The following FEZ1 variants were observed in gnomAD, a reference collection of about 807,000 sequenced individuals.
FEZ1 encodes fasciculation and elongation protein zeta-1.
A neutral mutation model predicts 49.3 loss-of-function variants in FEZ1; 20 were observed. The observed-to-expected ratio is 0.41, with a 90% confidence interval of 0.29 to 0.59. The LOEUF is 0.59. Ranked by LOEUF, FEZ1 falls within the 20% of genes least tolerant of loss-of-function variation. The pLI is 0.36. For missense variants in FEZ1, 413 were observed against 476.0 expected (o/e 0.87, Z 1.23); for synonymous variants, 170 against 180.9 (o/e 0.94, Z 0.48).
At position 125,496,134 on chromosome 11, in the gene FEZ1, G is replaced by T. The variant is rs1488889421; in HGVS notation, c.-59C>A. ...CCGCGACGGCACCTGTGCGGGTCCT[G>T]GCGGAGGGAGGCGGATCCCGGGGCT... On this transcript the variant is annotated 5_prime_UTR_variant, in exon 1 of 10. Coordinates refer to ENST00000278919, the MANE Select transcript of FEZ1 (RefSeq NM_005103.5). 6.5e-6 allele frequency: 1 copy of T among 152,766 alleles called. No homozygotes were observed. Among genetic ancestry groups the T allele is most frequent in the African/African-American group, 2.4e-5 (1 of 41,466 alleles). 9.5% of individuals were successfully genotyped at this position (152,766 alleles called of 1,614,324 possible).
intron 9 of FEZ1, 67 bp from the exon 10 acceptor site, chr11:125,446,178 G>A: frequency 1.3e-6 from 2 of 1,503,884 alleles, no homozygotes; most frequent in Non-Finnish European, 1.9e-6. Context: ...TCCGAGCCCT[G>A]GATAGCCCTA....
At chr11:125,450,493 T>C (rs1411675347) in intron 8 of FEZ1, among the ~76,000 whole-genome samples, 2 of 152,214 alleles carry the variant, frequency 1.3e-5, no homozygotes, top group Non-Finnish European at 2.9e-5. Context: ...CTCCAAAATC[T>C]AAAATTTACA....
At chr11:125,456,611 C>T (rs1022110484) in intron 5 of FEZ1, among the ~76,000 whole-genome samples, 2 of 152,200 alleles carry the variant, frequency 1.3e-5, no homozygotes, top group Non-Finnish European at 1.5e-5. Flanking sequence ...GGTCCTGTGT[C>T]GCAGTGCATG....
chr11:125,492,581 G>A (rs1020092424), intron 1 of FEZ1, among the ~76,000 whole-genome samples: 1 of 152,178 alleles, frequency 6.6e-6, no homozygotes, highest in Non-Finnish European at 1.5e-5. Context: ...AGTACTCTGT[G>A]ATGGCTAAGA....
At chr11:125,449,441 A>AAAAAAAAAAAAAAAAAAGAAG (rs796507357) in intron 8 of FEZ1, among the ~76,000 whole-genome samples, 3 of 128,266 alleles carry the variant, frequency 2.3e-5, no homozygotes, top group Admixed American at 8.2e-5. Context: ...AAAAAAAAAA[A>AAAAAAAAAAAAAAAAAAGAAG]AAGAAGAAGA....
At position 125,495,681 on chromosome 11, in the gene FEZ1, G is replaced by A; in HGVS notation, c.-46+440C>T. On this transcript the variant is annotated intron_variant, in intron 1 of 9. Transcript: ENST00000278919. The surrounding 1 kb of genome is among the most constrained non-coding windows in gnomAD (Gnocchi z 4.2). ...GTGACTGGACCAGATAACGGTCCCG[G>A]GACGAGGTACCGACCCACTGCCCCA... is the stretch of plus-strand genomic sequence containing the variant. 1 of 384,570 alleles carries A rather than the reference G, an allele frequency of 2.6e-6. No individual in the cohort carries two copies. The highest frequency in any genetic ancestry group is 1.9e-5 in the South Asian group (1 of 52,642). The allele number at this position is 384,570 out of a possible 1,614,324, so 23.8% of individuals were successfully genotyped here. A position where few individuals can be genotyped will look rare whatever the true frequency, so the allele number is the denominator to read the frequency against.
At chr11:125,487,382 GT>G (rs1217899903) in intron 2 of FEZ1, among the ~76,000 whole-genome samples, 3 of 152,162 alleles carry the variant, frequency 2.0e-5, no homozygotes, top group African/African-American at 7.2e-5. Context: ...GTCAACCAGG[GT>G]TAAATGACTT....
chr11:125,477,856 C>CAA lies in FEZ1; in HGVS notation c.411+3676_411+3677dup, dbSNP rs11413508. Among the ~76,000 whole-genome samples, 204 of 141,414 alleles carry CAA rather than the reference C, an allele frequency of 1.4e-3. 1 individual carries two copies. The highest frequency in any genetic ancestry group is 4.7e-3 in the East Asian group (23 of 4,882). The allele number at this position is 141,414 out of a possible 152,430, so 92.8% of individuals were successfully genotyped here. On this transcript the variant is annotated intron_variant, in intron 3 of 9. Transcript: ENST00000278919. Reference sequence around the variant, plus strand: ...CCCACTATAAAAGTGGAGCTTTATGCAAAAAAAAAAAAAGGCAGCTAAAAG... The same window carrying CAA: ...CCCACTATAAAAGTGGAGCTTTATGCAAAAAAAAAAAAAAAGGCAGCTAAAAG...
intron 3 of FEZ1, among the ~76,000 whole-genome samples, chr11:125,468,633 C>T (rs564691517): frequency 1.3e-5 from 2 of 152,116 alleles, no homozygotes; most frequent in African/African-American, 2.4e-5. Context: ...AAGAATAACC[C>T]AAAAGGGACA....
chr11:125,468,039 T>C (rs920315696), intron 3 of FEZ1, among the ~76,000 whole-genome samples: 4 of 152,184 alleles, frequency 2.6e-5, no homozygotes, highest in African/African-American at 9.7e-5. Flanking sequence ...CCTACAGACA[T>C]ATTAACTCAA....
chr11:125,461,659 A>G (rs1957076479), intron 4 of FEZ1, among the ~76,000 whole-genome samples: 1 of 152,212 alleles, frequency 6.6e-6, no homozygotes, highest in Non-Finnish European at 1.5e-5. Context: ...ATTATTTACA[A>G]ATAAAGAAGA....
chr11:125,483,960 G>A (rs1017134945), intron 2 of FEZ1, among the ~76,000 whole-genome samples: 2 of 152,114 alleles, frequency 1.3e-5, no homozygotes, highest in East Asian at 3.8e-4. Flanking sequence ...CATTTTTAGC[G>A]ACAATTCCCT....
intron 8 of FEZ1, among the ~76,000 whole-genome samples, chr11:125,449,417 T>TTA (rs1555177849): frequency 7.4e-5 from 2 of 27,006 alleles, no homozygotes; most frequent in Admixed American, 7.3e-4. Context: ...TTTGTCTCTA[T>TTA]AAAAAAAAAA....
In FEZ1 at chr11:125,481,598, G is replaced by A; in HGVS notation, c.347C>T (p.Ser116Leu). The A allele has an allele frequency of 6.2e-7, 1 of 1,612,986 alleles. No individual in the cohort carries two copies. Among genetic ancestry groups the A allele is most frequent in the Non-Finnish European group, 8.5e-7 (1 of 1,179,128 alleles). Residue 116 changes from serine (S) to leucine (L), a missense_variant, in exon 3 of 10, where the codon TCA becomes TTA. Coordinates refer to ENST00000278919, the MANE Select transcript of FEZ1 (RefSeq NM_005103.5). ...WDALTDNYIP[S>L]LSEDWRDPNI... Reference sequence around the variant, plus strand: ...TGGATCCCTCCAGTCTTCTGAGAGTGAAGGGATGTAATTGTCTGTCAGAGC... The same window carrying A: ...TGGATCCCTCCAGTCTTCTGAGAGTAAAGGGATGTAATTGTCTGTCAGAGC...
rs1215225459 is a variant in FEZ1, at chr11:125,489,685, A to C, written c.93T>G (p.Tyr31Ter). ...EDPEEKPQCF[Y>*]GSSPHHLEDP... is the part of the protein sequence containing the mutation. ...CCTCGAGATGGTGGGGAGATGAACC[A>C]TAGAAACACTGGGGCTTCTCCTCCG... is the stretch of plus-strand genomic sequence containing the variant. The change falls in exon 2 of 10, where the codon TAT becomes TAG. Residue 31 changes from tyrosine to a stop codon, truncating the protein, a stop_gained. Coordinates refer to ENST00000278919, the MANE Select transcript of FEZ1 (RefSeq NM_005103.5). LOFTEE classifies it high-confidence loss of function. This position sits in a 1 kb window ranked among gnomAD's most constrained non-coding sequence, Gnocchi z 4.2. 1 of 1,613,784 alleles carries C rather than the reference A, an allele frequency of 6.2e-7. No homozygotes were observed. Among genetic ancestry groups the C allele is most frequent in the Non-Finnish European group, 8.5e-7 (1 of 1,179,874 alleles).
chr11:125,489,630 A>C lies in FEZ1; in HGVS notation c.148T>G (p.Ser50Ala), dbSNP rs374574169. ...DPSLSELENFSSEIISFKSME... is the reference protein window; with the variant it reads ...DPSLSELENFASEIISFKSME... ...GACTTGAAGCTGATTATTTCGGAAG[A>C]AAAATTCTCAAGCTCGGAGAGGGAG... Residue 50 changes from serine (S) to alanine (A), a missense_variant, in exon 2 of 10, where the codon TCT becomes GCT. Ser to Ala is a moderately conservative substitution (Grantham distance 99). Coordinates refer to ENST00000278919, the MANE Select transcript of FEZ1 (RefSeq NM_005103.5). This position sits in a 1 kb window ranked among gnomAD's most constrained non-coding sequence, Gnocchi z 4.2. The C allele has an allele frequency of 1.5e-5, 25 of 1,614,062 alleles. No individual in the cohort carries two copies. The Admixed American group carries it at 2.0e-4, about 13-fold the overall frequency.
intron 1 of FEZ1, among the ~76,000 whole-genome samples, chr11:125,494,414 C>T (rs1319323045): frequency 6.6e-6 from 1 of 152,208 alleles, no homozygotes; most frequent in Non-Finnish European, 1.5e-5. Context: ...ATGTCTGAAA[C>T]AACCTTATTT....
Position 125,489,319 on chromosome 11 carries a change from C to A in FEZ1, c.311+148G>T. 1 of 1,417,422 alleles carries A rather than the reference C, an allele frequency of 7.1e-7. No individual in the cohort carries two copies. Among genetic ancestry groups the A allele is most frequent in the Non-Finnish European group, 9.2e-7 (1 of 1,087,186 alleles). The allele number at this position is 1,417,422 out of a possible 1,614,324, so 87.8% of individuals were successfully genotyped here. ...TAAAGGGACATATATAGAGCTATGA[C>A]AGCAAGTACCAGGGCACTGCTCCGC... is the stretch of plus-strand genomic sequence containing the variant. On this transcript the variant is annotated intron_variant, in intron 2 of 9. Coordinates refer to ENST00000278919, the MANE Select transcript of FEZ1 (RefSeq NM_005103.5). The surrounding 1 kb of genome is among the most constrained non-coding windows in gnomAD (Gnocchi z 4.2).
At chr11:125,461,402 T>C (rs1957072882) in intron 4 of FEZ1, among the ~76,000 whole-genome samples, 1 of 151,824 alleles carries the variant, frequency 6.6e-6, no homozygotes, top group African/African-American at 2.4e-5. Context: ...AGCTCAGGAG[T>C]TCAAGACCAG....
Sources: gnomAD v4.1 joint callset for allele counts (sites outside exome capture counted in the v4.1 genomes callset) on GRCh38, gnomAD v4.1.1 for gene constraint, Gnocchi (gnomAD v3.1) non-coding constraint, MANE v1.5 for transcripts, NCBI Gene and HGNC (gene_info 2026-07-23, HGNC 2026-07-21) for gene names.